SIRPA: variants seen among roughly 807,000 people sequenced by gnomAD.
SIRPA encodes the protein tyrosine-protein phosphatase non-receptor type substrate 1.
In SIRPA, 9 loss-of-function variants were observed where a neutral mutation model predicts 50.3. The observed-to-expected ratio is 0.18, with a 90% CI of 0.11 to 0.31. The LOEUF is 0.31. SIRPA is among the 10% of genes least tolerant of loss of function. SIRPA has a pLI of 1.00. For missense variants in SIRPA, 474 were observed against 661.6 expected (o/e 0.72, Z 3.11); for synonymous variants, 265 against 284.1 (o/e 0.93, Z 0.68).
intron 6 of SIRPA, among the ~76,000 whole-genome samples, chr20:1,930,002 C>T (rs772590171): frequency 5.3e-5 from 8 of 152,148 alleles, no homozygotes; most frequent in Non-Finnish European, 1.0e-4. Context: ...CCTCCTCCCA[C>T]AGTCTGCCCT....
In SIRPA at chr20:1,934,619, A is replaced by G. The variant is rs1183201830; in HGVS notation, c.1227-96A>G. 3 of 1,184,576 alleles carry G rather than the reference A, an allele frequency of 2.5e-6. No homozygotes were observed. Among genetic ancestry groups the G allele is most frequent in the Non-Finnish European group, 3.8e-6 (3 of 796,198 alleles). 73.4% of individuals were successfully genotyped at this position (1,184,576 alleles called of 1,614,324 possible). On this transcript the variant is annotated intron_variant, in intron 6 of 7. Coordinates refer to ENST00000358771, the MANE Select transcript of SIRPA (RefSeq NM_001040023.2). This position sits in a 1 kb window ranked among gnomAD's most constrained non-coding sequence, Gnocchi z 4.6. ...AGTCCTTCGTTCATGTCCTCAACCC[A>G]TATAGAAAATGGAGCCTAAATGTTA...
At chr20:1,917,676 G>T (rs756783121) in intron 2 of SIRPA, among the ~76,000 whole-genome samples, 27 of 152,212 alleles carry the variant, frequency 1.8e-4, no homozygotes, top group Non-Finnish European at 3.1e-4. Context: ...CATCCATGGA[G>T]CAGAGTTGGG....
intron 1 of SIRPA, among the ~76,000 whole-genome samples, chr20:1,909,582 G>A (rs1281080316): frequency 2.0e-5 from 3 of 152,204 alleles, no homozygotes; most frequent in African/African-American, 7.2e-5. Context: ...AGGAGTTTGA[G>A]ACCAGCCTGG....
chr20:1,914,866 A>G (rs866257785), intron 1 of SIRPA, among the ~76,000 whole-genome samples: 4 of 152,098 alleles, frequency 2.6e-5, no homozygotes, highest in Non-Finnish European at 5.9e-5. Flanking sequence ...CAGGCATTCA[A>G]ACCCACTCTC....
Position 1,922,349 on chromosome 20 carries a change from G to C in SIRPA, c.791G>C (p.Arg264Thr). ...PTLEVTQQPV[R>T]AENQVNVTCQ... The stretch of plus-strand genomic sequence containing the variant: ...TTGGAGGTTACTCAACAGCCCGTGA[G>C]GGCAGAGAACCAGGTGAATGTCACC... Residue 264 changes from arginine to threonine, a missense_variant, in exon 4 of 8, where the codon AGG becomes ACG. Physicochemically the swap from Arg to Thr is moderately conservative, Grantham distance 71 (BLOSUM62 -1). Around this residue, in one of 4 missense-constraint regions of SIRPA, gnomAD observed 221 missense variants for 359.9 expected, o/e 0.61. Transcript: ENST00000358771. 1.2e-6 allele frequency: 2 copies of C among 1,614,172 alleles called. No individual in the cohort carries two copies. The highest frequency in any genetic ancestry group is 1.7e-6 in the Non-Finnish European group (2 of 1,180,010).
intron 2 of SIRPA, among the ~76,000 whole-genome samples, chr20:1,916,358 C>T (rs1265338300): frequency 6.6e-6 from 1 of 152,218 alleles, no homozygotes; most frequent in East Asian, 1.9e-4. Flanking sequence ...ATGACAGGGG[C>T]CTTGTCCACA....
At chr20:1,930,715 T>G (rs917164906) in intron 6 of SIRPA, among the ~76,000 whole-genome samples, 3 of 152,164 alleles carry the variant, frequency 2.0e-5, no homozygotes, top group Admixed American at 6.5e-5. Flanking sequence ...CTCAGCCTCC[T>G]GAGTAGCTGG....
chr20:1,921,801 C>G lies in SIRPA; in HGVS notation c.754+89C>G, dbSNP rs1985679330. ...CACTCATCCAGCTCTACTCTTGCTC[C>G]AGGGCTTGAAATGCCTGGAACCTAA... On this transcript the variant is annotated intron_variant, in intron 3 of 7. Coordinates refer to ENST00000358771, the MANE Select transcript of SIRPA (RefSeq NM_001040023.2). 4 of 1,484,128 alleles carry G rather than the reference C, an allele frequency of 2.7e-6. No individual in the cohort carries two copies. The East Asian group carries it at 6.9e-5, about 26-fold the overall frequency. 91.9% of individuals were successfully genotyped at this position (1,484,128 alleles called of 1,614,324 possible).
intron 1 of SIRPA, among the ~76,000 whole-genome samples, chr20:1,897,088 C>T (rs1600385033): frequency 6.6e-6 from 1 of 152,186 alleles, no homozygotes; most frequent in African/African-American, 2.4e-5. Flanking sequence ...CCCTGGCAAA[C>T]GAGCAGTGAC....
In SIRPA at chr20:1,938,480, G is replaced by C. The variant is rs954039417; in HGVS notation, c.*912G>C. ...CAACGTGATCTTGGCTGTCTGTCATGTGTTGAAGTCCATGGTTGGGTCTTG... is the reference window on the plus strand; with the variant it reads ...CAACGTGATCTTGGCTGTCTGTCATCTGTTGAAGTCCATGGTTGGGTCTTG... On this transcript the variant is annotated 3_prime_UTR_variant, in exon 8 of 8. Coordinates refer to ENST00000358771, the MANE Select transcript of SIRPA (RefSeq NM_001040023.2). The C allele has an allele frequency of 6.5e-6, 1 of 152,708 alleles. No individual in the cohort carries two copies. The highest frequency in any genetic ancestry group is 2.4e-5 in the African/African-American group (1 of 41,456). The allele number at this position is 152,708 out of a possible 1,614,324, so 9.5% of individuals were successfully genotyped here.
At chr20:1,915,026 AT>A in intron 1 of SIRPA, 72 bp from the exon 2 acceptor site, 1 of 1,202,818 alleles carries the variant, frequency 8.3e-7, no homozygotes, top group South Asian at 1.4e-5. Context: ...AATGAACGTC[AT>A]TGATAAACAC....
At chr20:1,914,250 T>A (rs72620870) in intron 1 of SIRPA, among the ~76,000 whole-genome samples, 1 of 151,950 alleles carries the variant, frequency 6.6e-6, no homozygotes, top group Non-Finnish European at 1.5e-5. Flanking sequence ...ATAAGAAAAC[T>A]GAGACTCAAA....
intron 1 of SIRPA, among the ~76,000 whole-genome samples, chr20:1,912,169 C>G (rs552337399): frequency 6.6e-6 from 1 of 152,238 alleles, no homozygotes; most frequent in East Asian, 1.9e-4. Context: ...ATTTTATTGT[C>G]GCCTGCCTGG....
intron 7 of SIRPA, among the ~76,000 whole-genome samples, chr20:1,935,410 C>T (rs1018084878): frequency 2.0e-5 from 3 of 152,244 alleles, no homozygotes; most frequent in Non-Finnish European, 4.4e-5. Context: ...GAACCCGGAA[C>T]GAGAGCGCGC....
In SIRPA at chr20:1,921,727, C is replaced by T. The variant is rs1443361813; in HGVS notation, c.754+15C>T. 1.9e-6 allele frequency: 3 copies of T among 1,613,980 alleles called. No homozygotes were observed. The Admixed American group carries it at 5.0e-5, about 27-fold the overall frequency. On this transcript the variant is annotated intron_variant, in intron 3 of 7. Coordinates refer to ENST00000358771, the MANE Select transcript of SIRPA (RefSeq NM_001040023.2). ...GACCATCCGAGGTAGAAGACCCTCA[C>T]CCAGCCCAAGCCCACACCTGACCGC...
chr20:1,904,832 C>T (rs989019649), intron 1 of SIRPA, among the ~76,000 whole-genome samples: 8 of 152,114 alleles, frequency 5.3e-5, no homozygotes, highest in Non-Finnish European at 8.8e-5. Flanking sequence ...CCTGCATGTC[C>T]TCCTGGCCCT....
chr20:1,897,521 A>G (rs1239355425), intron 1 of SIRPA, among the ~76,000 whole-genome samples: 1 of 152,234 alleles, frequency 6.6e-6, no homozygotes, highest in Non-Finnish European at 1.5e-5. Flanking sequence ...CCAGACATGG[A>G]ATTTACAACA....
intron 3 of SIRPA, among the ~76,000 whole-genome samples, chr20:1,922,003 T>C (rs1312933379): frequency 2.6e-5 from 4 of 152,220 alleles, no homozygotes; most frequent in Admixed American, 2.0e-4. Context: ...TAAGCCTCTA[T>C]GTGCTTGGTG....
intron 1 of SIRPA, among the ~76,000 whole-genome samples, chr20:1,900,489 G>A (rs1984124308): frequency 6.6e-6 from 1 of 152,166 alleles, no homozygotes; most frequent in Non-Finnish European, 1.5e-5. Flanking sequence ...GAGTGCTGTG[G>A]GCACAGCCTG....
Sources: allele counts gnomAD v4.1 joint callset (sites outside exome capture counted in the v4.1 genomes callset), GRCh38; gene constraint gnomAD v4.1.1; regional missense constraint gnomAD v4.1.1; non-coding constraint Gnocchi (gnomAD v3.1); transcripts MANE v1.5; gene names NCBI Gene and HGNC (gene_info 2026-07-23, HGNC 2026-07-21).